Variants in ROBO1 observed in about 807,000 individuals in gnomAD.
The protein encoded by ROBO1 is roundabout guidance receptor 1, also known as roundabout homolog 1.
In ROBO1, 149 loss-of-function variants were observed where a neutral mutation model predicts 195.9. That is an observed-to-expected ratio of 0.76 (90% CI 0.67 to 0.87). The LOEUF is 0.87. Ranked by LOEUF, ROBO1 falls within the 40% of genes least tolerant of loss-of-function variation. The pLI, the probability that ROBO1 is intolerant of heterozygous loss-of-function variation, is 0.00. For synonymous variants in ROBO1, 816 were observed against 733.2 expected (o/e 1.11, Z -1.82); for missense variants, 1,933 against 2,068.3 (o/e 0.93, Z 1.27).
chr3:79,715,994 T>C (rs1702466401), intron 1 of ROBO1, among the ~76,000 whole-genome samples: 1 of 152,056 alleles, frequency 6.6e-6, no homozygotes, highest in African/African-American at 2.4e-5. Context: ...TAAAATAGAA[T>C]GAAATTATTT....
intron 1 of ROBO1, among the ~76,000 whole-genome samples, chr3:79,641,967 T>A (rs1000417730): frequency 2.6e-5 from 4 of 152,174 alleles, no homozygotes; most frequent in African/African-American, 9.7e-5. Context: ...TAAACTGATC[T>A]GTGATCATGT....
chr3:79,281,358 A>C (rs2031493708), intron 2 of ROBO1, among the ~76,000 whole-genome samples: 1 of 152,162 alleles, frequency 6.6e-6, no homozygotes, highest in Non-Finnish European at 1.5e-5. Flanking sequence ...GTACATGTGC[A>C]CAATGTGCAG....
At chr3:78,783,208 T>C (rs1245412504) in intron 4 of ROBO1, among the ~76,000 whole-genome samples, 1 of 152,162 alleles carries the variant, frequency 6.6e-6, no homozygotes, top group Non-Finnish European at 1.5e-5. Context: ...ATTGTACCTA[T>C]TCAGTAATTT....
At chr3:79,699,081 A>ATT (rs1273862597) in intron 1 of ROBO1, among the ~76,000 whole-genome samples, 5 of 130,230 alleles carry the variant, frequency 3.8e-5, no homozygotes, top group South Asian at 3.0e-4. Flanking sequence ...ATATTTATTA[A>ATT]TTTATATATA....
At chr3:78,681,512 G>T (rs2080908047) in intron 10 of ROBO1, among the ~76,000 whole-genome samples, 2 of 152,166 alleles carry the variant, frequency 1.3e-5, no homozygotes, top group Admixed American at 6.5e-5. Flanking sequence ...TGTTTATACT[G>T]CAGGGGTTGG....
intron 1 of ROBO1, among the ~76,000 whole-genome samples, chr3:79,662,677 T>A (rs927577268): frequency 6.6e-6 from 1 of 152,084 alleles, no homozygotes; most frequent in African/African-American, 2.4e-5. Flanking sequence ...TTGGCTGTCT[T>A]TTTCCCTCTG....
At chr3:79,481,685 T>C (rs1348224245) in intron 2 of ROBO1, among the ~76,000 whole-genome samples, 1 of 152,174 alleles carries the variant, frequency 6.6e-6, no homozygotes, top group Admixed American at 6.5e-5. Flanking sequence ...TTGATCTTTA[T>C]TGATCTCTAG....
At chr3:79,551,699 C>A (rs1372571778) in intron 2 of ROBO1, among the ~76,000 whole-genome samples, 1 of 151,866 alleles carries the variant, frequency 6.6e-6, no homozygotes, top group African/African-American at 2.4e-5. Flanking sequence ...CAGCAAGTTC[C>A]TAGTGACTGT....
chr3:78,670,329 T>C, intron 10 of ROBO1, 28 bp from the exon 11 acceptor site: 1 of 1,542,758 alleles, frequency 6.5e-7, no homozygotes, highest in South Asian at 1.2e-5. Context: ...AGGAAATAGA[T>C]TTCTGCAACT....
chr3:79,167,857 C>A (rs1402695516), intron 2 of ROBO1, among the ~76,000 whole-genome samples: 2 of 152,164 alleles, frequency 1.3e-5, no homozygotes, highest in South Asian at 4.1e-4. Flanking sequence ...TAATCATCCT[C>A]ATCTGTAAAA....
intron 3 of ROBO1, among the ~76,000 whole-genome samples, chr3:78,939,475 T>G (rs162424): frequency 1 from 150,478 of 150,626 alleles, 75,166 homozygotes; most frequent in Middle Eastern, 1. Context: ...AAAATTAGCC[T>G]GGCGTGGTGG....
intron 3 of ROBO1, among the ~76,000 whole-genome samples, chr3:79,053,643 C>A (rs1309522933): frequency 2.0e-5 from 3 of 151,910 alleles, no homozygotes; most frequent in African/African-American, 7.3e-5. Context: ...TAGTAATCAC[C>A]AGTACGCTTC....
chr3:79,270,040 T>C (rs2030379994), intron 2 of ROBO1, among the ~76,000 whole-genome samples: 1 of 151,850 alleles, frequency 6.6e-6, no homozygotes, highest in African/African-American at 2.4e-5. Context: ...AAGTGTCTGC[T>C]GCTGCACAGA....
intron 1 of ROBO1, among the ~76,000 whole-genome samples, chr3:79,594,957 ATATATT>A (rs1164812643): frequency 6.6e-6 from 1 of 152,012 alleles, no homozygotes; most frequent in Non-Finnish European, 1.5e-5. Flanking sequence ...TTGAAAGGTA[ATATATT>A]TATAAGATAA....
At chr3:79,568,174 TAAC>T (rs1029740346) in intron 2 of ROBO1, among the ~76,000 whole-genome samples, 2 of 152,196 alleles carry the variant, frequency 1.3e-5, no homozygotes, top group South Asian at 2.1e-4. Flanking sequence ...AATCTGCAGT[TAAC>T]AACAACAACA....
chr3:79,751,789 C>A (rs976986005), intron 1 of ROBO1, among the ~76,000 whole-genome samples: 3 of 152,098 alleles, frequency 2.0e-5, no homozygotes, highest in Non-Finnish European at 2.9e-5. Flanking sequence ...CTCATAGGAT[C>A]ATTAATGATT....
chr3:79,060,978 T>C (rs1176772902), intron 3 of ROBO1, among the ~76,000 whole-genome samples: 1 of 152,150 alleles, frequency 6.6e-6, no homozygotes, highest in Non-Finnish European at 1.5e-5. Context: ...CTATTCAACA[T>C]ACTGTTGAAA....
chr3:79,016,460 A>C (rs2077936069), intron 3 of ROBO1, among the ~76,000 whole-genome samples: 1 of 152,238 alleles, frequency 6.6e-6, no homozygotes, highest in Non-Finnish European at 1.5e-5. Context: ...TAGATTTCTA[A>C]AAGCTAGAAA....
At chr3:79,432,620 T>C (rs1378950830) in intron 2 of ROBO1, among the ~76,000 whole-genome samples, 1 of 152,232 alleles carries the variant, frequency 6.6e-6, no homozygotes, top group Non-Finnish European at 1.5e-5. Flanking sequence ...TTACTAAGCA[T>C]CTCTGCCAAC....
Sources: allele counts gnomAD v4.1 joint callset (sites outside exome capture counted in the v4.1 genomes callset), GRCh38; gene constraint gnomAD v4.1.1; transcripts MANE v1.5; gene names NCBI Gene and HGNC (gene_info 2026-07-23, HGNC 2026-07-21).